The following SDK2 variants were observed in gnomAD, a reference collection of about 807,000 sequenced individuals.
SDK2 encodes the protein sidekick cell adhesion molecule 2.
SDK2 carries 105 observed loss-of-function variants against 253.9 expected under a neutral mutation model. That is an observed-to-expected ratio of 0.41 (90% CI 0.35 to 0.49). The LOEUF is 0.49. Among genes scored for constraint, SDK2 ranks in the 20% least tolerant of loss-of-function variants. The probability of loss-of-function intolerance (pLI) is 0.06; values close to 1 mark genes in which losing one functional copy is unlikely to be tolerated. For synonymous variants in SDK2, 1,249 were observed against 1,234.9 expected, an observed-to-expected ratio of 1.01 and a Z score of -0.24; for missense variants, 2,608 against 3,003.0, an observed-to-expected ratio of 0.87 and a Z score of 3.07.
At chr17:73,478,282 G>C (rs1206928632) in intron 2 of SDK2, among the ~76,000 whole-genome samples, 83 of 152,180 alleles carry the variant, frequency 5.5e-4, no homozygotes, top group Non-Finnish European at 5.9e-5. Flanking sequence ...TTCCGTAGCT[G>C]TGCATGGAGC....
chr17:73,524,236 T>C (rs1239967273), intron 1 of SDK2, among the ~76,000 whole-genome samples: 1 of 152,162 alleles, frequency 6.6e-6, no homozygotes, highest in Admixed American at 6.5e-5. Context: ...GGCAGCAGGA[T>C]TGGCATGTTG....
At chr17:73,475,019 G>A (rs1027602405) in intron 2 of SDK2, among the ~76,000 whole-genome samples, 5 of 152,200 alleles carry the variant, frequency 3.3e-5, no homozygotes, top group Non-Finnish European at 7.3e-5. Flanking sequence ...GAGTGAGGGG[G>A]AGGGGAAAGT....
chr17:73,616,035 A>G lies in SDK2; in HGVS notation c.64+27990T>C, dbSNP rs546606487. On this transcript the variant is annotated intron_variant, in intron 1 of 44. Coordinates refer to ENST00000392650, the MANE Select transcript of SDK2 (RefSeq NM_001144952.2). The surrounding 1 kb of genome is among the most constrained non-coding windows in gnomAD (Gnocchi z 5.2). The stretch of plus-strand genomic sequence containing the variant: ...TAGACACATATGCATATACACATGA[A>G]CACACATACACACACGTACACACAC... 6.6e-6 allele frequency among the ~76,000 whole-genome samples: 1 copy of G among 152,282 alleles called. No homozygotes were observed. Among genetic ancestry groups the G allele is most frequent in the South Asian group, 2.1e-4 (1 of 4,824 alleles).
intron 1 of SDK2, among the ~76,000 whole-genome samples, chr17:73,566,140 G>C (rs1599684024): frequency 6.6e-6 from 1 of 152,240 alleles, no homozygotes; most frequent in East Asian, 1.9e-4. Flanking sequence ...TTGTTTAAAA[G>C]AGCCTGGCAC....
Position 73,350,702 on chromosome 17 carries a change from G to A in SDK2, c.5847C>T (p.Phe1949=), listed in dbSNP as rs749699574. ...TGCTCTGGCCCCGGATGATGAGCAC[G>A]AAGACCAGAAGCAGGATGAAGATGA... ...VGLIFILLLV[F]VLIIRGQSKK... is the part of the protein sequence containing the mutation. Residue 1949 remains phenylalanine, a synonymous_variant, in exon 42 of 45, where the codon TTC becomes TTT. Transcript: ENST00000392650. 1.9e-5 allele frequency: 30 copies of A among 1,613,564 alleles called. No homozygotes were observed. In the African/African-American group the frequency reaches 2.5e-4, roughly 14 times the overall value.
chr17:73,409,554 C>T (rs1024097445), intron 18 of SDK2, among the ~76,000 whole-genome samples: 5 of 151,916 alleles, frequency 3.3e-5, no homozygotes, highest in African/African-American at 9.7e-5. Context: ...CGCTTGAACC[C>T]GGGAGGCAGA....
chr17:73,393,469 A>G, intron 27 of SDK2, 91 bp downstream of exon 27: 1 of 1,221,308 alleles, frequency 8.2e-7, no homozygotes, highest in Non-Finnish European at 1.1e-6. Flanking sequence ...CCTGTGGGGC[A>G]GAGCCTGACC....
At chr17:73,490,635 C>G (rs1210760652) in intron 2 of SDK2, among the ~76,000 whole-genome samples, 2 of 150,260 alleles carry the variant, frequency 1.3e-5, no homozygotes, top group African/African-American at 4.9e-5. Context: ...TCAAGTGATC[C>G]CCCCAAGTAG....
At chr17:73,402,267 C>T (rs1301284957) in intron 18 of SDK2, 126 bp from the exon 19 acceptor site, 24 of 989,060 alleles carry the variant, frequency 2.4e-5, no homozygotes, top group Non-Finnish European at 3.0e-5. Flanking sequence ...GTGCCTCCTC[C>T]GAGGGAAGGG....
Position 73,352,741 on chromosome 17 carries a change from T to A in SDK2, c.5594-104A>T. 3 of 1,144,114 alleles carry A rather than the reference T, an allele frequency of 2.6e-6. No individual in the cohort carries two copies. The highest frequency in any genetic ancestry group is 3.8e-6 in the Non-Finnish European group (3 of 793,526). The allele number at this position is 1,144,114 out of a possible 1,614,324, so 70.9% of individuals were successfully genotyped here. ...CTCCCTGAGGGCTGGGCCTGTTGGA[T>A]CCTCCCTGCTCCACACTGAATCGCA... On this transcript the variant is annotated intron_variant, in intron 40 of 44. Transcript: ENST00000392650. The surrounding 1 kb of genome is among the most constrained non-coding windows in gnomAD (Gnocchi z 4.1).
At position 73,361,811 on chromosome 17, in the gene SDK2, C is replaced by G. The variant is rs776391778; in HGVS notation, c.5340G>C (p.Gly1780=). Residue 1780 remains glycine, a synonymous_variant, in exon 39 of 45, where the codon GGG becomes GGC. Coordinates refer to ENST00000392650, the MANE Select transcript of SDK2 (RefSeq NM_001144952.2). This position sits in a 1 kb window ranked among gnomAD's most constrained non-coding sequence, Gnocchi z 4.1. ...TCACCTTCAGCCACAGGGGGCTGTT[C>G]CCCTTCACGTCCACGGTCACGATCT... ...VSKIVTVDVK[G]NSPLWLKVKD... The G allele has an allele frequency of 6.2e-6, 10 of 1,606,086 alleles. No homozygotes were observed. Among genetic ancestry groups the G allele is most frequent in the Non-Finnish European group, 7.7e-6 (9 of 1,176,186 alleles).
chr17:73,451,367 G>A (rs1449255863), intron 4 of SDK2, among the ~76,000 whole-genome samples: 1 of 152,190 alleles, frequency 6.6e-6, no homozygotes, highest in Non-Finnish European at 1.5e-5. Flanking sequence ...TTAGCCAGAT[G>A]TGGTGGTGCA....
At position 73,352,915 on chromosome 17, in the gene SDK2, A is replaced by C. The variant is rs1447250547; in HGVS notation, c.5594-278T>G. On this transcript the variant is annotated intron_variant, in intron 40 of 44. Transcript: ENST00000392650. This position sits in a 1 kb window ranked among gnomAD's most constrained non-coding sequence, Gnocchi z 4.1. ...GAGACCAGCCTAGCCAACATGGTGA[A>C]ACCCTGTCTCTACTAAAAATACAAA... is the stretch of plus-strand genomic sequence containing the variant. Among the ~76,000 whole-genome samples the C allele has an allele frequency of 6.6e-6, 1 of 152,192 alleles. No homozygotes were observed. Among genetic ancestry groups the C allele is most frequent in the Admixed American group, 6.5e-5 (1 of 15,282 alleles).
chr17:73,360,431 G>C (rs978521628), intron 39 of SDK2, among the ~76,000 whole-genome samples: 5 of 152,214 alleles, frequency 3.3e-5, no homozygotes, highest in Non-Finnish European at 7.3e-5. Context: ...TTGGCTGAAG[G>C]GGGTGGGCAG....
intron 4 of SDK2, among the ~76,000 whole-genome samples, chr17:73,450,347 T>C (rs2063482407): frequency 6.6e-6 from 1 of 152,238 alleles, no homozygotes; most frequent in Non-Finnish European, 1.5e-5. Flanking sequence ...CTGCTTCTGT[T>C]GTTTCCTCAT....
intron 32 of SDK2, 138 bp from the exon 33 acceptor site, chr17:73,384,149 C>A: frequency 2.0e-6 from 2 of 1,025,058 alleles, no homozygotes; most frequent in South Asian, 3.4e-5. Context: ...TAATATTGGG[C>A]ATTTTAAATT....
chr17:73,595,197 A>G lies in SDK2; in HGVS notation c.64+48828T>C, dbSNP rs545996219. Among the ~76,000 whole-genome samples, 4 of 145,902 alleles carry G rather than the reference A, an allele frequency of 2.7e-5. No individual in the cohort carries two copies. The East Asian group carries it at 5.8e-4, about 21-fold the overall frequency. On this transcript the variant is annotated intron_variant, in intron 1 of 44. Coordinates refer to ENST00000392650, the MANE Select transcript of SDK2 (RefSeq NM_001144952.2). ...GTCAGTGAGAATTCGAGTGTGGGTG[A>G]AGGTGAGGAGGAGGAGGAGGAGGAG...
intron 1 of SDK2, among the ~76,000 whole-genome samples, chr17:73,605,221 A>C (rs2045892316): frequency 6.6e-6 from 1 of 152,034 alleles, no homozygotes; most frequent in South Asian, 2.1e-4. Flanking sequence ...TGAGTGAAGG[A>C]AAGATGTAGG....
At chr17:73,494,300 C>G (rs2063826896) in intron 2 of SDK2, among the ~76,000 whole-genome samples, 1 of 152,158 alleles carries the variant, frequency 6.6e-6, no homozygotes, top group Non-Finnish European at 1.5e-5. Flanking sequence ...CCATGTCCCC[C>G]CTGTAAGACA....
Sources: gnomAD v4.1 joint callset for allele counts (sites outside exome capture counted in the v4.1 genomes callset) on GRCh38, gnomAD v4.1.1 for gene constraint, Gnocchi (gnomAD v3.1) non-coding constraint, MANE v1.5 for transcripts, NCBI Gene and HGNC (gene_info 2026-07-23, HGNC 2026-07-21) for gene names.